Variants in TMEM184B observed in about 807,000 individuals in gnomAD.
TMEM184B encodes putative MAPK-activating protein FM08.
In TMEM184B, 17 loss-of-function variants were observed where a neutral mutation model predicts 41.8. The ratio of observed to expected loss-of-function variants is 0.41; its 90% CI spans 0.28 to 0.61. The LOEUF is 0.61. Among genes scored for constraint, TMEM184B ranks in the 20% least tolerant of loss-of-function variants. The pLI is 0.34. For missense variants in TMEM184B, 393 were observed against 557.8 expected (o/e 0.70, Z 2.98); for synonymous variants, 240 against 229.5 (o/e 1.05, Z -0.41).
At chr22:38,218,257 G>C (rs771855496), downstream of TMEM184B, among the ~76,000 whole-genome samples, 5 of 152,128 alleles carry the variant, frequency 3.3e-5, no homozygotes. Context: ...AGCCCTTCTG[G>C]GGCACCCTGA....
chr22:38,218,331 G>A (rs2091175013), downstream of TMEM184B, among the ~76,000 whole-genome samples: 2 of 152,202 alleles, frequency 1.3e-5, no homozygotes, highest in Admixed American at 6.5e-5. Flanking sequence ...CTAGGTGTCT[G>A]TTCTTAGCTG....
intron 3 of TMEM184B, 52 bp downstream of exon 3, chr22:38,245,883 T>TGCCCC: frequency 2.3e-6 from 3 of 1,288,710 alleles, no homozygotes; most frequent in Non-Finnish European, 3.3e-6. Flanking sequence ...GGACAGGGGC[T>TGCCCC]CCCAGCCCCC....
Position 38,221,114 on chromosome 22 carries a change from G to A in TMEM184B, c.*355C>T. On this transcript the variant is annotated 3_prime_UTR_variant, in exon 9 of 9. Transcript: ENST00000361906. ...CAGCCTGAGAGTCTCGCGGGGAGGA[G>A]GGGCTAGAAGGCTGCAGCCGCTGGT... 9.0e-7 allele frequency: 1 copy of A among 1,107,494 alleles called. No homozygotes were observed. The highest frequency in any genetic ancestry group is 3.3e-5 in the South Asian group (1 of 30,682). The allele number at this position is 1,107,494 out of a possible 1,614,324, so 68.6% of individuals were successfully genotyped here. A position where few individuals can be genotyped will look rare whatever the true frequency, so the allele number is the denominator to read the frequency against.
intron 2 of TMEM184B, chr22:38,246,824 C>A (rs1017089978): frequency 3.1e-6 from 4 of 1,298,354 alleles, no homozygotes; most frequent in African/African-American, 3.1e-5. Context: ...TCAGTCCAGG[C>A]AGCCCCTGGG....
At chr22:38,238,302 T>C (rs1456075406) in intron 3 of TMEM184B, among the ~76,000 whole-genome samples, 1 of 150,500 alleles carries the variant, frequency 6.6e-6, no homozygotes, top group African/African-American at 2.4e-5. Flanking sequence ...CTCGGCTCAC[T>C]GCAACCTCCG....
chr22:38,218,045 A>G (rs1417732946), downstream of TMEM184B, among the ~76,000 whole-genome samples: 2 of 152,100 alleles, frequency 1.3e-5, no homozygotes, highest in African/African-American at 2.4e-5. Flanking sequence ...GAGAGGAAAA[A>G]ACCCAGATTT....
chr22:38,236,552 C>T (rs995823003), intron 3 of TMEM184B, among the ~76,000 whole-genome samples: 4 of 151,980 alleles, frequency 2.6e-5, no homozygotes, highest in Non-Finnish European at 5.9e-5. Context: ...GATGCGATCA[C>T]GGCTCACCGC....
At chr22:38,231,566 C>G in intron 3 of TMEM184B, 1 of 656,612 alleles carries the variant, frequency 1.5e-6, no homozygotes, top group South Asian at 1.7e-5. Context: ...CGGGATGCAC[C>G]CCTGCACTGG....
rs2091263932 is a variant in TMEM184B at position 38,221,658 on chromosome 22, G to A, written c.1035C>T (p.Asn345=). The A allele has an allele frequency of 6.2e-7, 1 of 1,614,002 alleles. No individual in the cohort carries two copies. The highest frequency in any genetic ancestry group is 8.5e-7 in the Non-Finnish European group (1 of 1,179,996). ...SISSSLKETM[N]PHDIVQDAIH... is the part of the protein sequence containing the mutation. Reference sequence around the variant, plus strand: ...TGGCGTCCTGCACGATGTCGTGCGGGTTCATGGTCTCCTTGAGGCTGCTGG... The same window carrying A: ...TGGCGTCCTGCACGATGTCGTGCGGATTCATGGTCTCCTTGAGGCTGCTGG... The change falls in exon 9 of 9, where the codon AAC becomes AAT. Residue 345 remains asparagine (N), a synonymous_variant. Transcript: ENST00000361906.
At position 38,225,861 on chromosome 22, in the gene TMEM184B, A is replaced by G. The variant is rs1248633054; in HGVS notation, c.618-268T>C. Among the ~76,000 whole-genome samples, 2 of 152,116 alleles carry G rather than the reference A, an allele frequency of 1.3e-5. No homozygotes were observed. The highest frequency in any genetic ancestry group is 2.9e-5 in the Non-Finnish European group (2 of 68,026). Reference sequence around the variant, plus strand: ...GGTGCCCACACTCCTAACGTTGGACACCAGTGTGGAAGCCAGGGCCGGGCC... The same window carrying G: ...GGTGCCCACACTCCTAACGTTGGACGCCAGTGTGGAAGCCAGGGCCGGGCC... On this transcript the variant is annotated intron_variant, in intron 6 of 8. Coordinates refer to ENST00000361906, the MANE Select transcript of TMEM184B (RefSeq NM_012264.5). The surrounding 1 kb of genome is among the most constrained non-coding windows in gnomAD (Gnocchi z 4.4).
rs1274814343 is a variant in TMEM184B at position 38,231,145 on chromosome 22, G to A, written c.449+99C>T. On this transcript the variant is annotated intron_variant, in intron 4 of 8. Transcript: ENST00000361906. ...GAGGCACAGCAGGTCAAGGTCACGG[G>A]CAGACATGGTCTGTGTCCAGCTGGT... The A allele has an allele frequency of 2.7e-5, 28 of 1,044,026 alleles. No homozygotes were observed. The Admixed American group carries it at 4.4e-4, about 16-fold the overall frequency. 64.7% of individuals were successfully genotyped at this position (1,044,026 alleles called of 1,614,324 possible).
intron 1 of TMEM184B, among the ~76,000 whole-genome samples, chr22:38,267,658 C>T (rs909744888): frequency 1.3e-5 from 2 of 152,074 alleles, no homozygotes; most frequent in Non-Finnish European, 2.9e-5. Flanking sequence ...GTCTCCAATT[C>T]CTGAGCTCAA....
intron 1 of TMEM184B, among the ~76,000 whole-genome samples, chr22:38,256,889 T>A (rs555277150): frequency 6.6e-6 from 1 of 152,020 alleles, no homozygotes; most frequent in African/African-American, 2.4e-5. Flanking sequence ...GAATCTAGGG[T>A]CCTGTATGCC....
At chr22:38,256,941 TA>T (rs937233901) in intron 1 of TMEM184B, among the ~76,000 whole-genome samples, 2 of 151,838 alleles carry the variant, frequency 1.3e-5, no homozygotes, top group African/African-American at 2.4e-5. Flanking sequence ...AGTCTAGCTG[TA>T]GTACAGTATC....
rs1254994447 is a variant in TMEM184B at position 38,222,629 on chromosome 22, G to C, written c.983-919C>G. 3.0e-6 allele frequency: 3 copies of C among 985,326 alleles called. No individual in the cohort carries two copies. In the African/African-American group the frequency reaches 5.2e-5, roughly 17 times the overall value. 61.0% of individuals were successfully genotyped at this position (985,326 alleles called of 1,614,324 possible). On this transcript the variant is annotated intron_variant, in intron 8 of 8. Coordinates refer to ENST00000361906, the MANE Select transcript of TMEM184B (RefSeq NM_012264.5). ...CATGCAGGACAGACATGCAGACCAA[G>C]AGCGGGACCTACCGTAAGGGCCGTA...
intron 1 of TMEM184B, among the ~76,000 whole-genome samples, chr22:38,267,892 C>T (rs1359875414): frequency 6.6e-6 from 1 of 152,172 alleles, no homozygotes; most frequent in African/African-American, 2.4e-5. Context: ...AGAAAAGTCA[C>T]CAACCAGAAG....
chr22:38,228,118 C>A (rs1459149288), intron 5 of TMEM184B, among the ~76,000 whole-genome samples: 1 of 152,138 alleles, frequency 6.6e-6, no homozygotes, highest in Admixed American at 6.5e-5. Flanking sequence ...CAGCCCACAC[C>A]ATGGGGCTGC....
rs747651832 is a variant in TMEM184B, at chr22:38,245,940, T to C, written c.353A>G (p.Tyr118Cys). The C allele has an allele frequency of 2.4e-6, 3 of 1,266,292 alleles. No individual in the cohort carries two copies. The highest frequency in any genetic ancestry group is 1.9e-5 in the Admixed American group (1 of 51,626). 78.4% of individuals were successfully genotyped at this position (1,266,292 alleles called of 1,614,324 possible). A position where few individuals can be genotyped will look rare whatever the true frequency, so the allele number is the denominator to read the frequency against. Reference sequence around the variant, plus strand: ...CACTCCGTCCCCATCCTCACCCTCATAGCAGTCGCGGACGGTGCCGAAGTA... The same window carrying C: ...CACTCCGTCCCCATCCTCACCCTCACAGCAGTCGCGGACGGTGCCGAAGTA... ...YVYFGTVRDCYEALVIYNFLS... is the reference protein window; with the variant it reads ...YVYFGTVRDCCEALVIYNFLS... Residue 118 changes from tyrosine (Y) to cysteine (C), a missense_variant, in exon 3 of 9, where the codon TAT (tyrosine) becomes TGT (cysteine). Around this residue, in one of 2 missense-constraint regions of TMEM184B, gnomAD observed 271 missense variants for 434.1 expected, o/e 0.62. Transcript: ENST00000361906.
intron 3 of TMEM184B, among the ~76,000 whole-genome samples, chr22:38,233,962 T>C (rs2091704429): frequency 6.6e-6 from 1 of 151,954 alleles, no homozygotes. Flanking sequence ...ACAGACAGGG[T>C]TTTACCATGT....
Sources: gnomAD v4.1 joint callset for allele counts (sites outside exome capture counted in the v4.1 genomes callset) on GRCh38, gnomAD v4.1.1 for gene constraint, gnomAD v4.1.1 regional missense constraint, Gnocchi (gnomAD v3.1) non-coding constraint, MANE v1.5 for transcripts, NCBI Gene and HGNC (gene_info 2026-07-23, HGNC 2026-07-21) for gene names.